Variants in TENM4 observed in about 807,000 individuals in gnomAD.
TENM4 encodes teneurin transmembrane protein 4.
Under a neutral mutation model 243.3 loss-of-function variants are expected in TENM4, and 82 were observed. The ratio of observed to expected loss-of-function variants is 0.34; its 90% confidence interval spans 0.28 to 0.40. The LOEUF is 0.40. Ranked by LOEUF, TENM4 falls within the 10% of genes least tolerant of loss-of-function variation. The pLI, the probability that TENM4 is intolerant of heterozygous loss-of-function variation, is 1.00. For missense variants in TENM4, 3,138 were observed against 3,673.3 expected, an observed-to-expected ratio of 0.85 and a Z score of 3.77; for synonymous variants, 1,412 against 1,456.3, an observed-to-expected ratio of 0.97 and a Z score of 0.69.
chr11:78,952,570 T>G (rs1213322592), intron 6 of TENM4, among the ~76,000 whole-genome samples: 1 of 152,206 alleles, frequency 6.6e-6, no homozygotes, highest in Non-Finnish European at 1.5e-5. Flanking sequence ...GGAGCAGCAT[T>G]TTGTAAAACT....
At chr11:78,835,379 A>G (rs553511052) in intron 12 of TENM4, among the ~76,000 whole-genome samples, 2 of 152,058 alleles carry the variant, frequency 1.3e-5, no homozygotes, top group Non-Finnish European at 2.9e-5. Context: ...GGTGGTACAC[A>G]CCTGTAGTCC....
At chr11:79,415,971 A>G (rs773829669) in intron 1 of TENM4, among the ~76,000 whole-genome samples, 4 of 152,022 alleles carry the variant, frequency 2.6e-5, no homozygotes, top group Non-Finnish European at 4.4e-5. Flanking sequence ...GAAATTTAAC[A>G]TAAAAGGAAT....
intron 3 of TENM4, among the ~76,000 whole-genome samples, chr11:79,172,765 A>G (rs1464760219): frequency 1.3e-5 from 2 of 150,494 alleles, no homozygotes; most frequent in Admixed American, 6.7e-5. Context: ...CAACCTTCAG[A>G]GTAGCTGGGA....
intron 19 of TENM4, among the ~76,000 whole-genome samples, chr11:78,738,842 G>C (rs561261660): frequency 6.6e-6 from 1 of 152,332 alleles, no homozygotes; most frequent in Admixed American, 6.5e-5. Context: ...GTATTATGCT[G>C]TAAGGAGATA....
chr11:78,810,205 C>T (rs928706572), intron 14 of TENM4, among the ~76,000 whole-genome samples: 2 of 152,152 alleles, frequency 1.3e-5, no homozygotes, highest in Admixed American at 6.5e-5. Context: ...AACGCAATGA[C>T]GCTTCACCAG....
chr11:78,823,758 C>T (rs1591050481), intron 12 of TENM4, among the ~76,000 whole-genome samples: 1 of 152,290 alleles, frequency 6.6e-6, no homozygotes, highest in South Asian at 2.1e-4. Context: ...GAAACGACTT[C>T]ATTGCCACAT....
chr11:79,056,469 C>T (rs369243641), intron 6 of TENM4, among the ~76,000 whole-genome samples: 2 of 151,976 alleles, frequency 1.3e-5, no homozygotes, highest in Non-Finnish European at 2.9e-5. Flanking sequence ...CTCCTAAGAA[C>T]AACAAAGCTA....
At chr11:79,131,725 T>G (rs1357283263) in intron 4 of TENM4, among the ~76,000 whole-genome samples, 2 of 152,194 alleles carry the variant, frequency 1.3e-5, no homozygotes, top group African/African-American at 4.8e-5. Context: ...ATGGCCTAAA[T>G]GCTCCACTTA....
chr11:79,279,595 A>T (rs1856120047), intron 2 of TENM4, among the ~76,000 whole-genome samples: 1 of 152,088 alleles, frequency 6.6e-6, no homozygotes, highest in Non-Finnish European at 1.5e-5. Context: ...CCAGGGTCAG[A>T]ACCTGTCTTC....
At chr11:78,765,744 G>A (rs1311914144) in intron 18 of TENM4, among the ~76,000 whole-genome samples, 1 of 152,198 alleles carries the variant, frequency 6.6e-6, no homozygotes, top group African/African-American at 2.4e-5. Flanking sequence ...ATGTAAATGT[G>A]TGCCTTGCAA....
intron 2 of TENM4, among the ~76,000 whole-genome samples, chr11:79,235,985 C>T (rs1018738280): frequency 1.3e-5 from 2 of 152,098 alleles, no homozygotes; most frequent in Non-Finnish European, 2.9e-5. Context: ...GAGAAAGCCG[C>T]TGCTGCCCTG....
intron 12 of TENM4, among the ~76,000 whole-genome samples, chr11:78,818,168 C>G (rs1047676487): frequency 3.3e-5 from 5 of 152,116 alleles, no homozygotes; most frequent in African/African-American, 1.2e-4. Context: ...ATCTAAATTT[C>G]TATGGTTCAA....
chr11:79,087,088 G>A (rs1349789246), intron 4 of TENM4, among the ~76,000 whole-genome samples: 1 of 152,144 alleles, frequency 6.6e-6, no homozygotes, highest in Non-Finnish European at 1.5e-5. Context: ...CCTTGCAAAT[G>A]TAGGCACTTA....
chr11:78,886,881 C>T (rs927158872), intron 9 of TENM4, among the ~76,000 whole-genome samples: 4 of 152,236 alleles, frequency 2.6e-5, no homozygotes, highest in African/African-American at 4.8e-5. Flanking sequence ...GCTCAAGACA[C>T]AAATTCTTCA....
chr11:78,658,715 C>T lies in TENM4; in HGVS notation c.7653G>A (p.Gln2551=), dbSNP rs1857961450. ...CAAACTTCTTGGTCTTTGGAGCCTG[C>T]TGGCAGCTGGTGATTGTGGAGCCAT... ...QLYGSTITSC[Q]QAPKTKKFAS... Residue 2551 remains glutamine (Q), a synonymous_variant, in exon 34 of 34, where the codon CAG becomes CAA. Transcript: ENST00000278550. 3 of 1,613,896 alleles carry T rather than the reference C, an allele frequency of 1.9e-6. No homozygotes were observed. Among genetic ancestry groups the T allele is most frequent in the Non-Finnish European group, 2.5e-6 (3 of 1,179,896 alleles).
At chr11:78,759,405 A>T (rs1856384411) in intron 18 of TENM4, among the ~76,000 whole-genome samples, 2 of 152,242 alleles carry the variant, frequency 1.3e-5, no homozygotes, top group South Asian at 4.1e-4. Context: ...ATTCAATCCC[A>T]GTGAGCAGGG....
intron 15 of TENM4, among the ~76,000 whole-genome samples, chr11:78,801,318 T>C (rs1475745991): frequency 6.6e-6 from 1 of 152,188 alleles, no homozygotes; most frequent in Non-Finnish European, 1.5e-5. Context: ...TCCTCACAAG[T>C]GACTCAGGAA....
intron 2 of TENM4, among the ~76,000 whole-genome samples, chr11:79,283,594 C>G (rs748748765): frequency 6.6e-6 from 1 of 152,174 alleles, no homozygotes; most frequent in East Asian, 1.9e-4. Context: ...AAAAAACTCA[C>G]ATCTAACATT....
At chr11:79,279,740 C>T (rs112036018) in intron 2 of TENM4, among the ~76,000 whole-genome samples, 25 of 152,286 alleles carry the variant, frequency 1.6e-4, no homozygotes, top group East Asian at 3.9e-4. Flanking sequence ...TTTCCCTCTG[C>T]GTACTTTTCT....
Sources: gnomAD v4.1 joint callset for allele counts (sites outside exome capture counted in the v4.1 genomes callset) on GRCh38, gnomAD v4.1.1 for gene constraint, MANE v1.5 for transcripts, NCBI Gene and HGNC (gene_info 2026-07-23, HGNC 2026-07-21) for gene names.